CNTNAP2: variants seen among roughly 807,000 people sequenced by gnomAD.
CNTNAP2 encodes the protein contactin associated protein 2.
A neutral mutation model predicts 155.2 loss-of-function variants in CNTNAP2; 98 were observed. That is an observed-to-expected ratio of 0.63 (90% CI 0.54 to 0.75). The LOEUF is 0.75. Among genes scored for constraint, CNTNAP2 ranks in the 30% least tolerant of loss-of-function variants. The probability of loss-of-function intolerance (pLI) is 0.00; values close to 1 mark genes in which losing one functional copy is unlikely to be tolerated. For missense variants in CNTNAP2, 1,727 were observed against 1,688.1 expected (o/e 1.02, Z -0.40); for synonymous variants, 651 against 631.2 (o/e 1.03, Z -0.47).
chr7:148,359,990 A>G (rs1326111029), intron 21 of CNTNAP2, among the ~76,000 whole-genome samples: 1 of 152,230 alleles, frequency 6.6e-6, no homozygotes, highest in Middle Eastern at 3.2e-3. Flanking sequence ...AGAAGAAGTT[A>G]TCTTTATTTC....
At chr7:147,647,428 A>G (rs978951987) in intron 13 of CNTNAP2, among the ~76,000 whole-genome samples, 1 of 152,206 alleles carries the variant, frequency 6.6e-6, no homozygotes, top group African/African-American at 2.4e-5. Context: ...AATAAAAAAT[A>G]AAAATACTGG....
At chr7:147,990,767 G>A (rs917760579) in intron 15 of CNTNAP2, among the ~76,000 whole-genome samples, 7 of 152,158 alleles carry the variant, frequency 4.6e-5, no homozygotes, top group Non-Finnish European at 2.9e-5. Context: ...TGGTACACCA[G>A]TGTGCATCAC....
At chr7:147,775,422 T>A (rs200201080) in intron 13 of CNTNAP2, among the ~76,000 whole-genome samples, 4 of 118,780 alleles carry the variant, frequency 3.4e-5, no homozygotes, top group Admixed American at 2.5e-4. Flanking sequence ...TATTTATATA[T>A]ATATATCTGA....
At chr7:146,970,645 C>A (rs1443516039) in intron 3 of CNTNAP2, among the ~76,000 whole-genome samples, 1 of 152,052 alleles carries the variant, frequency 6.6e-6, no homozygotes, top group Admixed American at 6.6e-5. Flanking sequence ...TTGTGGAAGT[C>A]AGTGTGGCGA....
intron 17 of CNTNAP2, among the ~76,000 whole-genome samples, chr7:148,163,043 G>T (rs557710817): frequency 6.6e-6 from 1 of 152,150 alleles, no homozygotes; most frequent in Non-Finnish European, 1.5e-5. Flanking sequence ...GGTGGTAAAT[G>T]TCTTGCCTCA....
chr7:147,718,199 G>A (rs1796510330), intron 13 of CNTNAP2, among the ~76,000 whole-genome samples: 1 of 152,048 alleles, frequency 6.6e-6, no homozygotes, highest in Non-Finnish European at 1.5e-5. Flanking sequence ...TATTAGCCAT[G>A]GAATGCTGCC....
intron 3 of CNTNAP2, among the ~76,000 whole-genome samples, chr7:146,913,465 T>G (rs1422673828): frequency 2.0e-5 from 3 of 152,156 alleles, no homozygotes; most frequent in African/African-American, 7.2e-5. Context: ...ACTGAGTGGT[T>G]TATAAATGAG....
chr7:147,470,392 T>C (rs1289208203), intron 10 of CNTNAP2, among the ~76,000 whole-genome samples: 6 of 150,638 alleles, frequency 4.0e-5, no homozygotes, highest in Non-Finnish European at 7.4e-5. Context: ...GTAGCTATGA[T>C]AGTGTCTTGG....
chr7:147,788,844 C>T (rs1005639967), intron 13 of CNTNAP2, among the ~76,000 whole-genome samples: 4 of 151,712 alleles, frequency 2.6e-5, no homozygotes, highest in Non-Finnish European at 4.4e-5. Context: ...CTTACTCCCA[C>T]ACCTCATGGA....
chr7:147,306,244 T>C (rs1795023823), intron 9 of CNTNAP2, among the ~76,000 whole-genome samples: 1 of 152,222 alleles, frequency 6.6e-6, no homozygotes, highest in African/African-American at 2.4e-5. Context: ...GATTCATACT[T>C]CTAATTTTAT....
intron 10 of CNTNAP2, among the ~76,000 whole-genome samples, chr7:147,478,723 C>G (rs183234455): frequency 1.4e-4 from 21 of 152,290 alleles, no homozygotes; most frequent in African/African-American, 5.1e-4. Flanking sequence ...CATGGCACTT[C>G]CATTGCCTTC....
chr7:146,332,941 A>ATTTTTTTTTTTTTTTTTTTTTTT (rs4016094), intron 1 of CNTNAP2, among the ~76,000 whole-genome samples: 3 of 102,458 alleles, frequency 2.9e-5, no homozygotes, highest in Admixed American at 1.2e-4. Context: ...TTCTTCTTCT[A>ATTTTTTTTTTTTTTTTTTTTTTT]TTTTTTTTTT....
At chr7:147,732,518 G>T (rs62480751) in intron 13 of CNTNAP2, among the ~76,000 whole-genome samples, 2 of 150,124 alleles carry the variant, frequency 1.3e-5, no homozygotes, top group Non-Finnish European at 3.0e-5. Flanking sequence ...TGTCTTTATA[G>T]CAGCATGATT....
At chr7:147,269,623 T>C (rs1804694682) in intron 8 of CNTNAP2, among the ~76,000 whole-genome samples, 1 of 152,206 alleles carries the variant, frequency 6.6e-6, no homozygotes, top group African/African-American at 2.4e-5. Flanking sequence ...ATGATATTGC[T>C]GGAGGAGACA....
chr7:146,616,541 G>A (rs905888465), intron 1 of CNTNAP2, among the ~76,000 whole-genome samples: 1 of 152,064 alleles, frequency 6.6e-6, no homozygotes, highest in Non-Finnish European at 1.5e-5. Flanking sequence ...GATGGTTGGT[G>A]TTTCTGAGAT....
chr7:146,742,888 C>A (rs1367997847), intron 1 of CNTNAP2, among the ~76,000 whole-genome samples: 1 of 151,992 alleles, frequency 6.6e-6, no homozygotes, highest in African/African-American at 2.4e-5. Context: ...TATTTTAAAG[C>A]TATTTCTCAT....
At chr7:148,403,061 A>G (rs1027202213) in intron 22 of CNTNAP2, among the ~76,000 whole-genome samples, 1 of 33,534 alleles carries the variant, frequency 3.0e-5, no homozygotes, top group Admixed American at 1.6e-4. Flanking sequence ...CTCCTTATTC[A>G]CTAGGACAGA....
intron 1 of CNTNAP2, among the ~76,000 whole-genome samples, chr7:146,744,158 G>C (rs1246840780): frequency 6.8e-6 from 1 of 147,060 alleles, no homozygotes; most frequent in African/African-American, 2.5e-5. Context: ...AACCTGGGGG[G>C]AAGAGGTTGC....
chr7:146,790,473 A>G (rs73740870), intron 2 of CNTNAP2, among the ~76,000 whole-genome samples: 3,370 of 152,248 alleles, frequency 0.022, 120 homozygotes, highest in African/African-American at 0.07. Flanking sequence ...CTTGAGAGGA[A>G]ATATGCAGGT....
Sources: allele counts gnomAD v4.1 joint callset (sites outside exome capture counted in the v4.1 genomes callset), GRCh38; gene constraint gnomAD v4.1.1; transcripts MANE v1.5; gene names NCBI Gene and HGNC (gene_info 2026-07-23, HGNC 2026-07-21).